CHURC1: variants seen among roughly 807,000 people sequenced by gnomAD.
CHURC1 encodes churchill domain containing 1.
Under a neutral mutation model 15.4 loss-of-function variants are expected in CHURC1, and 12 were observed. The ratio of observed to expected loss-of-function variants is 0.78; its 90% CI spans 0.50 to 1.27. The LOEUF is 1.27. Among genes scored for constraint, CHURC1 ranks in the 50% most tolerant of loss-of-function variants. CHURC1 has a pLI of 0.00. For synonymous variants in CHURC1, 42 were observed against 47.5 expected (o/e 0.88, Z 0.48); for missense variants, 132 against 137.8 (o/e 0.96, Z 0.21).
At chr14:64,928,679 A>G (rs1465353306) in intron 3 of CHURC1, among the ~76,000 whole-genome samples, 1 of 139,922 alleles carries the variant, frequency 7.1e-6, no homozygotes, top group Non-Finnish European at 1.5e-5. Flanking sequence ...ACATCCTGTG[A>G]CTGCCTTAGT....
chr14:64,918,453 T>C (rs1884045392), intron 1 of CHURC1, among the ~76,000 whole-genome samples: 1 of 152,200 alleles, frequency 6.6e-6, no homozygotes, highest in Admixed American at 6.5e-5. Flanking sequence ...TTTGAAGTCA[T>C]GACCTATTTT....
At position 64,933,594 on chromosome 14, in the gene CHURC1, ATGAAT is replaced by A. The variant is rs1566833400; in HGVS notation, c.*1366_*1370del. The A allele has an allele frequency of 1.0e-6, 1 of 982,836 alleles. No individual in the cohort carries two copies. The highest frequency in any genetic ancestry group is 6.1e-5 in the Admixed American group (1 of 16,268). 60.9% of individuals were successfully genotyped at this position (982,836 alleles called of 1,614,324 possible). ...ATCACAGTATTGTTAGGAGATTTAA[ATGAAT>A]TAGTGAATGTAAGATACTTTAGAAA... On this transcript the variant is annotated 3_prime_UTR_variant, in exon 4 of 4. Transcript: ENST00000549115.
Position 64,934,156 on chromosome 14 carries a change from A to G in CHURC1, c.*1926A>G. ...TCAGGAGTTTGAGACCAGCCGGGCC[A>G]ACATGGTGCAACCTCGTCTTTACTA... On this transcript the variant is annotated 3_prime_UTR_variant, in exon 4 of 4. Coordinates refer to ENST00000549115, the MANE Select transcript of CHURC1 (RefSeq NM_001386928.1). 2 of 596,836 alleles carry G rather than the reference A, an allele frequency of 3.4e-6. No homozygotes were observed. The highest frequency in any genetic ancestry group is 1.5e-4 in the South Asian group (2 of 13,230). 37.0% of individuals were successfully genotyped at this position (596,836 alleles called of 1,614,324 possible). A position where few individuals can be genotyped will look rare whatever the true frequency, so the allele number is the denominator to read the frequency against.
At chr14:64,930,199 C>G (rs1002258761) in intron 3 of CHURC1, among the ~76,000 whole-genome samples, 1 of 151,996 alleles carries the variant, frequency 6.6e-6, no homozygotes, top group Non-Finnish European at 1.5e-5. Flanking sequence ...CCCCTAGGCC[C>G]TGCCCAGTTG....
intron 3 of CHURC1, among the ~76,000 whole-genome samples, chr14:64,928,457 C>T (rs1884879294): frequency 6.6e-6 from 1 of 152,096 alleles, no homozygotes; most frequent in Non-Finnish European, 1.5e-5. Context: ...ACTTGGTTGC[C>T]CAGGCTGGTC....
chr14:64,926,165 C>A, intron 3 of CHURC1, 85 bp downstream of exon 3: 87 of 736,430 alleles, frequency 1.2e-4, no homozygotes, highest in East Asian at 2.2e-4. Context: ...ATACGGTTTT[C>A]ATAAGTGAAG....
intron 3 of CHURC1, among the ~76,000 whole-genome samples, chr14:64,928,537 A>G (rs1391569619): frequency 6.6e-6 from 1 of 152,180 alleles, no homozygotes; most frequent in East Asian, 1.9e-4. Context: ...GGTGTGAGCC[A>G]TTACCTGGCC....
At chr14:64,915,732 G>C (rs1883842125) in intron 1 of CHURC1, among the ~76,000 whole-genome samples, 2 of 152,216 alleles carry the variant, frequency 1.3e-5, no homozygotes, top group African/African-American at 4.8e-5. Context: ...ACATGACCCA[G>C]TGATTCCCAT....
Position 64,934,128 on chromosome 14 carries a change from A to C in CHURC1, c.*1898A>C, listed in dbSNP as rs1423153938. 1 of 836,774 alleles carries C rather than the reference A, an allele frequency of 1.2e-6. No individual in the cohort carries two copies. The highest frequency in any genetic ancestry group is 1.4e-6 in the Non-Finnish European group (1 of 695,096). 51.8% of individuals were successfully genotyped at this position (836,774 alleles called of 1,614,324 possible). ...GAGGCCAAAGCAGGCGGATCACCTG[A>C]GGTCAGGAGTTTGAGACCAGCCGGG... is the stretch of plus-strand genomic sequence containing the variant. On this transcript the variant is annotated 3_prime_UTR_variant, in exon 4 of 4. Transcript: ENST00000549115.
In CHURC1 at chr14:64,932,162, T is replaced by G. The variant is rs749732606; in HGVS notation, c.271T>G (p.Cys91Gly). 3 of 1,614,066 alleles carry G rather than the reference T, an allele frequency of 1.9e-6. No homozygotes were observed. The East Asian group carries it at 6.7e-5, about 36-fold the overall frequency. ...FQEYTMLCLL[C>G]GKAEDTISIL... ...GGAGTATACCATGCTGTGTCTGTTA[T>G]GCGGCAAAGCCGAAGATACTATCAG... Residue 91 changes from cysteine to glycine, a missense_variant, in exon 4 of 4, where the codon TGC (cysteine) becomes GGC (glycine). Cys to Gly is a radical substitution (Grantham distance 159, BLOSUM62 -3). Coordinates refer to ENST00000549115, the MANE Select transcript of CHURC1 (RefSeq NM_001386928.1).
Position 64,930,995 on chromosome 14 carries a change from A to G in CHURC1, c.247-1143A>G, listed in dbSNP as rs147193794. Reference sequence around the variant, plus strand: ...CAGTTGCCTGCTTCTATTTCTTTGTACCACAGTCATTGTTTACCTCTGTGG... The same window carrying G: ...CAGTTGCCTGCTTCTATTTCTTTGTGCCACAGTCATTGTTTACCTCTGTGG... On this transcript the variant is annotated intron_variant, in intron 3 of 3. Coordinates refer to ENST00000549115, the MANE Select transcript of CHURC1 (RefSeq NM_001386928.1). The G allele has an allele frequency of 2.2e-3, 814 of 365,298 alleles. 11 individuals are homozygous for G. The highest frequency in any genetic ancestry group is 0.016 in the African/African-American group (765 of 46,686). The allele number at this position is 365,298 out of a possible 1,614,324, so 22.6% of individuals were successfully genotyped here.
At chr14:64,925,714 A>AAAAG (rs1555383538) in intron 2 of CHURC1, among the ~76,000 whole-genome samples, 3 of 151,626 alleles carry the variant, frequency 2.0e-5, no homozygotes, top group African/African-American at 7.3e-5. Flanking sequence ...AAAAAAAAAA[A>AAAAG]AAAGAAATTG....
chr14:64,919,420 G>A (rs1361587692), intron 1 of CHURC1, among the ~76,000 whole-genome samples: 1 of 152,144 alleles, frequency 6.6e-6, no homozygotes, highest in African/African-American at 2.4e-5. Context: ...TTGCTTAGTA[G>A]ATAACATTGA....
chr14:64,918,557 G>A (rs971288541), intron 1 of CHURC1, among the ~76,000 whole-genome samples: 1 of 152,206 alleles, frequency 6.6e-6, no homozygotes, highest in Non-Finnish European at 1.5e-5. Flanking sequence ...GCCGGGCCTA[G>A]TGGCTCACAC....
rs771508574 is a variant in CHURC1, at chr14:64,926,127, A to T, written c.246+47A>T. 6.6e-5 allele frequency: 91 copies of T among 1,378,416 alleles called. No individual in the cohort carries two copies. The South Asian group carries it at 1.3e-3, about 19-fold the overall frequency. The allele number at this position is 1,378,416 out of a possible 1,614,324, so 85.4% of individuals were successfully genotyped here. The stretch of plus-strand genomic sequence containing the variant: ...AATATAAATATGGGGAGGTTAGGGG[A>T]ATAATAAAAGTGCTCTTGAGAATCT... On this transcript the variant is annotated intron_variant, in intron 3 of 3. Coordinates refer to ENST00000549115, the MANE Select transcript of CHURC1 (RefSeq NM_001386928.1).
chr14:64,932,062 C>T (rs1411142305), intron 3 of CHURC1, 76 bp from the exon 4 acceptor site: 7 of 1,529,780 alleles, frequency 4.6e-6, no homozygotes, highest in Non-Finnish European at 6.2e-6. Context: ...TTGTAGAGAA[C>T]ATCTTAACTA....
At chr14:64,920,410 A>G (rs1884196719) in intron 1 of CHURC1, among the ~76,000 whole-genome samples, 1 of 152,210 alleles carries the variant, frequency 6.6e-6, no homozygotes, top group African/African-American at 2.4e-5. Context: ...TCCCTGAATA[A>G]TGTGTGCTTT....
chr14:64,929,948 C>G (rs1009810042), intron 3 of CHURC1, among the ~76,000 whole-genome samples: 14 of 120,296 alleles, frequency 1.2e-4, no homozygotes, highest in East Asian at 2.2e-4. Flanking sequence ...AGCCCCCCCC[C>G]ACACACACAC....
intron 3 of CHURC1, chr14:64,930,934 T>TC (rs1307685929): frequency 4.5e-6 from 2 of 443,024 alleles, no homozygotes; most frequent in Admixed American, 5.0e-5. Context: ...ACAACTAAGC[T>TC]CCCCTCCTGA....
Sources: gnomAD v4.1 joint callset for allele counts (sites outside exome capture counted in the v4.1 genomes callset) on GRCh38, gnomAD v4.1.1 for gene constraint, MANE v1.5 for transcripts, NCBI Gene and HGNC (gene_info 2026-07-23, HGNC 2026-07-21) for gene names.